Variants in KCTD9 observed in about 807,000 individuals in gnomAD.
KCTD9 encodes the protein potassium channel tetramerization domain containing 9.
KCTD9 carries 17 observed loss-of-function variants against 53.3 expected under a neutral mutation model. The observed-to-expected ratio is 0.32, with a 90% CI of 0.22 to 0.48. KCTD9 has a LOEUF of 0.48. Ranked by LOEUF, KCTD9 falls within the 20% of genes least tolerant of loss-of-function variation. The pLI, the probability that KCTD9 is intolerant of heterozygous loss-of-function variation, is 0.99. For synonymous variants in KCTD9, 128 were observed against 162.7 expected (o/e 0.79, Z 1.62); for missense variants, 179 against 465.5 (o/e 0.38, Z 5.66).
chr8:25,450,298 G>T, intron 1 of KCTD9: 2 of 983,760 alleles, frequency 2.0e-6, no homozygotes, highest in Non-Finnish European at 2.4e-6. Context: ...TTATCCCTTG[G>T]TAAAGCTGAT....
At chr8:25,446,281 T>G in intron 1 of KCTD9, 31 bp from the exon 2 acceptor site, 2 of 1,609,814 alleles carry the variant, frequency 1.2e-6, no homozygotes, top group Non-Finnish European at 1.7e-6. Context: ...TATGAACAAT[T>G]TCTTTAATAC....
At chr8:25,432,060 A>G (rs1440634985) in intron 11 of KCTD9, among the ~76,000 whole-genome samples, 1 of 152,212 alleles carries the variant, frequency 6.6e-6, no homozygotes, top group African/African-American at 2.4e-5. Context: ...ACAGCTATCA[A>G]GTCTGCTAGC....
chr8:25,452,987 G>A (rs1802356626), intron 1 of KCTD9, among the ~76,000 whole-genome samples: 1 of 152,048 alleles, frequency 6.6e-6, no homozygotes, highest in Non-Finnish European at 1.5e-5. Context: ...GGCAATATAG[G>A]AAGACATTGT....
At chr8:25,430,483 T>C (rs1045364381) in intron 11 of KCTD9, among the ~76,000 whole-genome samples, 2 of 152,032 alleles carry the variant, frequency 1.3e-5, no homozygotes, top group African/African-American at 4.8e-5. Context: ...GGGATCTAGG[T>C]GGGGTACTCC....
At chr8:25,450,397 T>G (rs918074936) in intron 1 of KCTD9, 2 of 984,112 alleles carry the variant, frequency 2.0e-6, no homozygotes, top group African/African-American at 3.5e-5. Context: ...ACAGCAGGTC[T>G]TTGACAAATA....
chr8:25,452,093 C>T (rs1414119343), intron 1 of KCTD9, among the ~76,000 whole-genome samples: 1 of 152,064 alleles, frequency 6.6e-6, no homozygotes, highest in African/African-American at 2.4e-5. Flanking sequence ...GGCTGATTTA[C>T]CCAACAAAAC....
At chr8:25,436,208 T>G (rs1802015571) in intron 8 of KCTD9, 27 bp downstream of exon 8, 2 of 1,319,558 alleles carry the variant, frequency 1.5e-6, no homozygotes, top group Middle Eastern at 2.6e-4. Context: ...CTGATAGAAA[T>G]AATTGATGTA....
chr8:25,428,680 A>T lies in KCTD9; in HGVS notation c.*1177T>A. 6.6e-6 allele frequency: 1 copy of T among 152,064 alleles called. No homozygotes were observed. Among genetic ancestry groups the T allele is most frequent in the Non-Finnish European group, 1.5e-5 (1 of 67,994 alleles). The allele number at this position is 152,064 out of a possible 1,614,324, so 9.4% of individuals were successfully genotyped here. ...TAAAAAAAAAAAACCACAAAAAAAT[A>T]AGTAAAAGAATCACAGGTGCTGACT... On this transcript the variant is annotated 3_prime_UTR_variant, in exon 12 of 12. Transcript: ENST00000221200.
chr8:25,455,182 G>A (rs186348067), intron 1 of KCTD9, among the ~76,000 whole-genome samples: 46 of 151,988 alleles, frequency 3.0e-4, no homozygotes, highest in African/African-American at 1.1e-3. Flanking sequence ...CTGAGATCAC[G>A]CCACTTCACT....
Position 25,431,167 on chromosome 8 carries a change from G to C in KCTD9, c.1054-1194C>G, listed in dbSNP as rs1181229878. On this transcript the variant is annotated intron_variant, in intron 11 of 11. Transcript: ENST00000221200. Reference sequence around the variant, plus strand: ...AATATTATCAAAACAATTTTACTATGATCCAAGAACAACAACAACAAAAGG... The same window carrying C: ...AATATTATCAAAACAATTTTACTATCATCCAAGAACAACAACAACAAAAGG... Among the ~76,000 whole-genome samples the C allele has an allele frequency of 2.6e-5, 4 of 152,116 alleles. No homozygotes were observed. The East Asian group carries it at 5.8e-4, about 22-fold the overall frequency.
At chr8:25,454,744 C>T (rs1286942768) in intron 1 of KCTD9, among the ~76,000 whole-genome samples, 2 of 152,178 alleles carry the variant, frequency 1.3e-5, no homozygotes, top group Non-Finnish European at 2.9e-5. Flanking sequence ...TGGTAACATA[C>T]TTTTGGGCAT....
At chr8:25,446,312 T>C (rs1219260844) in intron 1 of KCTD9, 62 bp from the exon 2 acceptor site, 17 of 1,568,894 alleles carry the variant, frequency 1.1e-5, no homozygotes, top group Admixed American at 5.1e-5. Flanking sequence ...CCATAAGTTA[T>C]AAACTACCAC....
At chr8:25,433,495 A>C (rs1448330565) in intron 9 of KCTD9, 60 bp from the exon 10 acceptor site, 3 of 832,622 alleles carry the variant, frequency 3.6e-6, no homozygotes, top group Non-Finnish European at 5.5e-6. Context: ...AAATTAGCTC[A>C]AACAGTAAAA....
chr8:25,438,692 C>T (rs965970732), intron 6 of KCTD9, among the ~76,000 whole-genome samples: 10 of 152,202 alleles, frequency 6.6e-5, no homozygotes, highest in Non-Finnish European at 2.9e-5. Flanking sequence ...TTTATAAGGG[C>T]TTTGTCTACA....
intron 1 of KCTD9, among the ~76,000 whole-genome samples, chr8:25,452,418 C>T (rs1047736485): frequency 1.3e-5 from 2 of 152,048 alleles, no homozygotes; most frequent in African/African-American, 4.8e-5. Flanking sequence ...ATTCTAACAC[C>T]CAATAATTAC....
intron 1 of KCTD9, among the ~76,000 whole-genome samples, chr8:25,449,984 A>C (rs868808841): frequency 3.3e-5 from 5 of 152,218 alleles, no homozygotes; most frequent in Admixed American, 2.0e-4. Context: ...TTCCCCACTG[A>C]AGTCAAATGT....
Position 25,446,159 on chromosome 8 carries a change from C to T in KCTD9, c.140G>A (p.Gly47Asp), listed in dbSNP as rs975348002. Residue 47 changes from glycine to aspartate, a missense_variant, in exon 2 of 12, where the codon GGT becomes GAT. By Grantham distance (94) the Gly-to-Asp change is moderately conservative. This residue lies in a region of KCTD9 where 115 missense variants were observed against 250.9 expected (regional missense o/e 0.46). Transcript: ENST00000221200. ...CAAAGCAATATCATCAATCAGTCCA[C>T]CTTTCCCATTATACACACTGGTGGC... ...IKATSVYNGKGGLIDDIALIR... is the reference protein window; with the variant it reads ...IKATSVYNGKDGLIDDIALIR... 1 of 1,613,942 alleles carries T rather than the reference C, an allele frequency of 6.2e-7. No homozygotes were observed. The highest frequency in any genetic ancestry group is 1.1e-5 in the South Asian group (1 of 91,066).
chr8:25,441,221 A>G (rs1211418533), intron 3 of KCTD9, among the ~76,000 whole-genome samples: 3 of 152,100 alleles, frequency 2.0e-5, no homozygotes, highest in Non-Finnish European at 2.9e-5. Context: ...GGTTTAATAG[A>G]CCAGAATATA....
Position 25,429,921 on chromosome 8 carries a change from T to A in KCTD9, c.1106A>T (p.Asn369Ile). ...DLQEANLRGS[N>I]VKGAIFEEML... is the part of the protein sequence containing the mutation. The stretch of plus-strand genomic sequence containing the variant: ...CTCTTCAAATATAGCTCCCTTCACG[T>A]TGGACCCTCTCAGGTTGGCTTCTTG... The change falls in exon 12 of 12, where the codon AAC becomes ATC. Residue 369 changes from asparagine (N) to isoleucine (I), a missense_variant. This residue lies in a region of KCTD9 where 30 missense variants were observed against 133.2 expected (regional missense o/e 0.23). Coordinates refer to ENST00000221200, the MANE Select transcript of KCTD9 (RefSeq NM_017634.4). The A allele has an allele frequency of 6.2e-7, 1 of 1,611,256 alleles. No individual in the cohort carries two copies. The highest frequency in any genetic ancestry group is 8.5e-7 in the Non-Finnish European group (1 of 1,177,484).
Sources: allele counts gnomAD v4.1 joint callset (sites outside exome capture counted in the v4.1 genomes callset), GRCh38; gene constraint gnomAD v4.1.1; regional missense constraint gnomAD v4.1.1; transcripts MANE v1.5; gene names NCBI Gene and HGNC (gene_info 2026-07-23, HGNC 2026-07-21).